MICU3: variants seen among roughly 807,000 people sequenced by gnomAD.
The protein encoded by MICU3 is calcium uptake protein 3, mitochondrial.
A neutral mutation model predicts 66.5 loss-of-function variants in MICU3; 62 were observed. That is an observed-to-expected ratio of 0.93 (90% CI 0.76 to 1.15). The LOEUF is 1.15. Among genes scored for constraint, MICU3 ranks in the 50% most tolerant of loss-of-function variants. The probability of loss-of-function intolerance (pLI) is 0.00; values close to 1 mark genes in which losing one functional copy is unlikely to be tolerated. For synonymous variants in MICU3, 308 were observed against 240.7 expected (o/e 1.28, Z -2.59); for missense variants, 779 against 664.4 (o/e 1.17, Z -1.90).
chr8:17,129,336 C>A, the MICU3 span, among the ~76,000 whole-genome samples: 1 of 152,020 alleles, frequency 6.6e-6, no homozygotes, highest in East Asian at 1.9e-4. Context: ...CCAGAGGTGA[C>A]CCACATATTT....
At chr8:17,073,167 A>T (rs1414220595) in intron 3 of MICU3, among the ~76,000 whole-genome samples, 1 of 152,166 alleles carries the variant, frequency 6.6e-6, no homozygotes, top group Non-Finnish European at 1.5e-5. Flanking sequence ...TGCATATGAG[A>T]AATCCCTCTT....
chr8:17,049,194 T>C (rs1563292228), intron 1 of MICU3, among the ~76,000 whole-genome samples: 1 of 152,198 alleles, frequency 6.6e-6, no homozygotes, highest in South Asian at 2.1e-4. Context: ...TAGTGTTCCA[T>C]TGTATCCTGG....
chr8:17,109,053 A>G (rs545830267), intron 11 of MICU3, among the ~76,000 whole-genome samples: 8 of 152,196 alleles, frequency 5.3e-5, no homozygotes, highest in African/African-American at 1.9e-4. Context: ...ACCCTTTCTA[A>G]TCTAATATAT....
At chr8:17,125,449 T>C (rs1301548708), downstream of MICU3, among the ~76,000 whole-genome samples, 1 of 152,160 alleles carries the variant, frequency 6.6e-6, no homozygotes, top group African/African-American at 2.4e-5. Flanking sequence ...TGGCAATCCT[T>C]TGGTATACGT....
intron 1 of MICU3, among the ~76,000 whole-genome samples, chr8:17,036,165 G>A (rs888419367): frequency 9.9e-5 from 15 of 152,138 alleles, no homozygotes; most frequent in African/African-American, 3.6e-4. Context: ...GCTGGCTCAA[G>A]AGTGAAGCTG....
chr8:17,092,403 A>G (rs375721525), intron 8 of MICU3, among the ~76,000 whole-genome samples: 9 of 152,148 alleles, frequency 5.9e-5, no homozygotes, highest in East Asian at 1.9e-4. Context: ...ACATTAAGAC[A>G]ATATTGAGAA....
At chr8:17,069,484 T>C (rs1332861860) in intron 2 of MICU3, among the ~76,000 whole-genome samples, 1 of 152,084 alleles carries the variant, frequency 6.6e-6, no homozygotes, top group Non-Finnish European at 1.5e-5. Context: ...TGATACTTAC[T>C]ATGAACAGTG....
the MICU3 span, among the ~76,000 whole-genome samples, chr8:17,130,748 CTAACCCA>C: frequency 2.6e-5 from 4 of 151,830 alleles, no homozygotes; most frequent in South Asian, 2.1e-4. Flanking sequence ...TTTTAAATGG[CTAACCCA>C]TAACGCAGGA....
chr8:17,077,771 C>A lies in MICU3; in HGVS notation c.568-12C>A. On this transcript the variant is annotated splice_polypyrimidine_tract_variant and intron_variant, in intron 3 of 14. Coordinates refer to ENST00000318063, the MANE Select transcript of MICU3 (RefSeq NM_181723.3). The stretch of plus-strand genomic sequence containing the variant: ...GTTTACCAATTCATCAGTAGTATAA[C>A]TTCTGTCATAGGAATTAAATCAAAT... 1 of 1,595,934 alleles carries A rather than the reference C, an allele frequency of 6.3e-7. No homozygotes were observed. The highest frequency in any genetic ancestry group is 8.6e-7 in the Non-Finnish European group (1 of 1,165,312).
chr8:17,028,820 G>A (rs542866849), intron 1 of MICU3, among the ~76,000 whole-genome samples: 71 of 151,416 alleles, frequency 4.7e-4, no homozygotes, highest in Non-Finnish European at 7.5e-4. Flanking sequence ...ATCCACTTTT[G>A]TGGCTTGGCA....
intron 2 of MICU3, among the ~76,000 whole-genome samples, chr8:17,068,030 A>T (rs1294053344): frequency 6.6e-5 from 10 of 152,130 alleles, no homozygotes; most frequent in Non-Finnish European, 1.2e-4. Context: ...CCAACATAGC[A>T]TCAAGAATTA....
At chr8:17,082,783 T>A (rs1171120268) in intron 5 of MICU3, among the ~76,000 whole-genome samples, 1 of 152,140 alleles carries the variant, frequency 6.6e-6, no homozygotes, top group African/African-American at 2.4e-5. Flanking sequence ...GATTAAAAAA[T>A]TCACACCACT....
chr8:17,073,227 A>G (rs905410602), intron 3 of MICU3, among the ~76,000 whole-genome samples: 4 of 152,174 alleles, frequency 2.6e-5, no homozygotes, highest in Non-Finnish European at 5.9e-5. Context: ...CAGAAATCCT[A>G]TATATCAGAT....
At chr8:17,055,483 T>C (rs77615547) in intron 1 of MICU3, among the ~76,000 whole-genome samples, 5,011 of 152,286 alleles carry the variant, frequency 0.033, 94 homozygotes, top group Non-Finnish European at 0.051. Flanking sequence ...TTTTCCATAA[T>C]AGTTAGGGTA....
chr8:17,101,350 T>C (rs923098508), intron 9 of MICU3, among the ~76,000 whole-genome samples: 1 of 151,852 alleles, frequency 6.6e-6, no homozygotes, highest in African/African-American at 2.4e-5. Context: ...CATAACACTG[T>C]TAAGATCCCA....
chr8:17,130,468 G>A, the MICU3 span, among the ~76,000 whole-genome samples: 737 of 151,772 alleles, frequency 4.9e-3, 6 homozygotes, highest in Non-Finnish European at 8.2e-3. Context: ...GCAGTGAGCC[G>A]AGATCGCACC....
At chr8:17,039,471 C>T (rs181033704) in intron 1 of MICU3, among the ~76,000 whole-genome samples, 5 of 152,222 alleles carry the variant, frequency 3.3e-5, no homozygotes, top group Admixed American at 3.3e-4. Context: ...TTCAAGTGCA[C>T]GAGAGTCTGG....
At chr8:17,043,609 C>A (rs1305531046) in intron 1 of MICU3, among the ~76,000 whole-genome samples, 2 of 152,192 alleles carry the variant, frequency 1.3e-5, no homozygotes, top group African/African-American at 4.8e-5. Context: ...TGACCTCCTC[C>A]AGACTGCTTT....
At chr8:17,066,344 G>A (rs971786396) in intron 2 of MICU3, among the ~76,000 whole-genome samples, 10 of 151,496 alleles carry the variant, frequency 6.6e-5, no homozygotes, top group East Asian at 3.9e-4. Context: ...ATAAGACGAC[G>A]TAAGATACAG....
Sources: allele counts gnomAD v4.1 joint callset (sites outside exome capture counted in the v4.1 genomes callset), GRCh38; gene constraint gnomAD v4.1.1; transcripts MANE v1.5; gene names NCBI Gene and HGNC (gene_info 2026-07-23, HGNC 2026-07-21).